ENPP6: variants seen among roughly 807,000 people sequenced by gnomAD.
ENPP6 encodes ectonucleotide pyrophosphatase/phosphodiesterase 6.
A neutral mutation model predicts 42.0 loss-of-function variants in ENPP6; 32 were observed. That is an observed-to-expected ratio of 0.76 (90% CI 0.58 to 1.02). The LOEUF (loss-of-function observed/expected upper bound fraction) is 1.02. Among genes scored for constraint, ENPP6 ranks in the 50% least tolerant of loss-of-function variants. The pLI is 0.00. For synonymous variants in ENPP6, 213 were observed against 216.0 expected (o/e 0.99, Z 0.12); for missense variants, 552 against 566.8 (o/e 0.97, Z 0.27).
chr4:184,168,492 TGGAAGC>T (rs1737397520), intron 1 of ENPP6, among the ~76,000 whole-genome samples: 1 of 148,176 alleles, frequency 6.7e-6, no homozygotes, highest in Non-Finnish European at 1.5e-5. Context: ...CACAGGAAGC[TGGAAGC>T]TTTGCACGGG....
intron 6 of ENPP6, among the ~76,000 whole-genome samples, chr4:184,104,940 G>A (rs892544897): frequency 3.9e-5 from 6 of 152,336 alleles, no homozygotes; most frequent in Middle Eastern, 3.4e-3. Context: ...GAAATTCCAA[G>A]CTGGAGAACA....
In ENPP6 at chr4:184,090,996, G is replaced by C. The variant is rs1330380142; in HGVS notation, c.*181C>G. ...CCTACCTTCTGGAAAAACAAGGTTT[G>C]TATCTTTTTTAACAAGTAGGAACTT... On this transcript the variant is annotated 3_prime_UTR_variant, in exon 8 of 8. Transcript: ENST00000296741. 6.0e-5 allele frequency: 33 copies of C among 547,410 alleles called. No individual in the cohort carries two copies. The highest frequency in any genetic ancestry group is 5.0e-4 in the Middle Eastern group (1 of 1,992). 33.9% of individuals were successfully genotyped at this position (547,410 alleles called of 1,614,324 possible). A position where few individuals can be genotyped will look rare whatever the true frequency, so the allele number is the denominator to read the frequency against.
intron 2 of ENPP6, among the ~76,000 whole-genome samples, chr4:184,148,476 A>C (rs553716626): frequency 4.4e-4 from 67 of 152,230 alleles, no homozygotes; most frequent in Non-Finnish European, 7.8e-4. Flanking sequence ...ACAGCAGTCC[A>C]AAGAGGCAGC....
chr4:184,178,191 C>G (rs1732483564), intron 1 of ENPP6, among the ~76,000 whole-genome samples: 1 of 151,850 alleles, frequency 6.6e-6, no homozygotes, highest in African/African-American at 2.4e-5. Context: ...CCTGATGGAG[C>G]TAGAACATAC....
chr4:184,149,311 G>T (rs942584787), intron 2 of ENPP6, among the ~76,000 whole-genome samples: 1 of 152,172 alleles, frequency 6.6e-6, no homozygotes, highest in African/African-American at 2.4e-5. Flanking sequence ...ACCTACCATG[G>T]CAGGAAAGAG....
intron 1 of ENPP6, among the ~76,000 whole-genome samples, chr4:184,154,837 AAAAAT>A (rs1272886196): frequency 1.3e-5 from 2 of 152,244 alleles, no homozygotes; most frequent in African/African-American, 4.8e-5. Context: ...TAATACAATT[AAAAAT>A]AAAATAAAAT....
In ENPP6 at chr4:184,117,804, G is replaced by T. The variant is rs780933102; in HGVS notation, c.630C>A (p.Leu210=). The T allele has an allele frequency of 3.5e-5, 57 of 1,614,148 alleles. No homozygotes were observed. The highest frequency in any genetic ancestry group is 1.1e-5 in the South Asian group (1 of 91,088). Residue 210 remains leucine (L), a synonymous_variant, in exon 4 of 8, where the codon CTC becomes CTA. Transcript: ENST00000296741. ...GPASPQRKDA[L]KAVDTVLKYM... is the part of the protein sequence containing the mutation. ...ACTTCAGGACAGTGTCTACAGCCTT[G>T]AGGGCATCTTTCCTCTGCGGAGATG... is the stretch of plus-strand genomic sequence containing the variant.
At chr4:184,107,377 C>T (rs370030140) in intron 6 of ENPP6, among the ~76,000 whole-genome samples, 71 of 152,352 alleles carry the variant, frequency 4.7e-4, no homozygotes, top group Middle Eastern at 3.4e-3. Context: ...TCAGATTTCT[C>T]TCCTTTCAGG....
chr4:184,197,828 G>C (rs1461059346), intron 1 of ENPP6, among the ~76,000 whole-genome samples: 2 of 152,208 alleles, frequency 1.3e-5, no homozygotes, highest in Non-Finnish European at 2.9e-5. Context: ...GTCATGGTTT[G>C]GGACAAGGCC....
At chr4:184,141,730 A>G (rs962850924) in intron 2 of ENPP6, among the ~76,000 whole-genome samples, 2 of 152,158 alleles carry the variant, frequency 1.3e-5, no homozygotes, top group African/African-American at 2.4e-5. Flanking sequence ...AGGACAATCA[A>G]TGACAGCTGT....
At chr4:184,117,738 C>A in intron 4 of ENPP6, 21 bp downstream of exon 4, 2 of 1,611,200 alleles carry the variant, frequency 1.2e-6, no homozygotes, top group South Asian at 1.1e-5. Context: ...GGCCAGGCCA[C>A]GTGTCTTTGC....
chr4:184,097,283 A>C lies in ENPP6; in HGVS notation c.1079T>G (p.Leu360Arg). 1 of 1,614,196 alleles carries C rather than the reference A, an allele frequency of 6.2e-7. No individual in the cohort carries two copies. The change falls in exon 7 of 8, where the codon CTC (leucine) becomes CGC (arginine). Residue 360 changes from leucine (L) to arginine (R), a missense_variant. Leu to Arg is a moderately radical substitution (Grantham distance 102). Around this residue, in one of 2 missense-constraint regions of ENPP6, gnomAD observed 545 missense variants for 546.3 expected, o/e 1.00. Coordinates refer to ENST00000296741, the MANE Select transcript of ENPP6 (RefSeq NM_153343.4). The part of the protein sequence containing the change: ...QRGWHGYDNE[L>R]MDMRGIFLAF... ...CAGGAAGATGCCCCGCATGTCCATG[A>C]GCTCGTTGTCGTAGCCGTGCCATCC...
chr4:184,157,774 A>ATTTTTTTTTTTTTTTTTTTTTTT (rs34358499), intron 1 of ENPP6, among the ~76,000 whole-genome samples: 1 of 122,360 alleles, frequency 8.2e-6, no homozygotes, highest in Non-Finnish European at 1.6e-5. Flanking sequence ...AACTTGGCTA[A>ATTTTTTTTTTTTTTTTTTTTTTT]TTTTTTTTTT....
At chr4:184,194,543 C>T (rs1463276159) in intron 1 of ENPP6, among the ~76,000 whole-genome samples, 1 of 152,214 alleles carries the variant, frequency 6.6e-6, no homozygotes, top group Non-Finnish European at 1.5e-5. Context: ...AATTTCAAAA[C>T]AGTGACAACA....
Position 184,213,683 on chromosome 4 carries a change from A to G in ENPP6, c.241+3896T>C, listed in dbSNP as rs1431614323. Among the ~76,000 whole-genome samples the G allele has an allele frequency of 1.6e-4, 24 of 150,036 alleles. 1 individual carries two copies. Among genetic ancestry groups the G allele is most frequent in the Admixed American group, 1.2e-3 (18 of 15,036 alleles). On this transcript the variant is annotated intron_variant, in intron 1 of 7. Coordinates refer to ENST00000296741, the MANE Select transcript of ENPP6 (RefSeq NM_153343.4). ...CAACCATTGTGGAAGTCAGTGTGGC[A>G]ATTCCTCAGGGATCTAGAACTGGAA...
At chr4:184,133,529 T>C (rs192383795) in intron 2 of ENPP6, among the ~76,000 whole-genome samples, 121 of 152,322 alleles carry the variant, frequency 7.9e-4, no homozygotes, top group African/African-American at 2.7e-3. Flanking sequence ...TCCAAAACAG[T>C]CATCTGTGAA....
At chr4:184,119,443 T>G (rs1351406054) in intron 3 of ENPP6, among the ~76,000 whole-genome samples, 1 of 152,010 alleles carries the variant, frequency 6.6e-6, no homozygotes, top group Non-Finnish European at 1.5e-5. Flanking sequence ...CCTTGGCATA[T>G]TCCTCATACC....
At chr4:184,196,982 G>C (rs1732810955) in intron 1 of ENPP6, among the ~76,000 whole-genome samples, 1 of 152,200 alleles carries the variant, frequency 6.6e-6, no homozygotes, top group Non-Finnish European at 1.5e-5. Flanking sequence ...CAGGTGGTTG[G>C]GGATTGGGTA....
chr4:184,106,759 T>C (rs1160686640), intron 6 of ENPP6, among the ~76,000 whole-genome samples: 1 of 152,168 alleles, frequency 6.6e-6, no homozygotes, highest in East Asian at 1.9e-4. Context: ...GTGCCTTCAC[T>C]AGCAGGGAGG....
Sources: gnomAD v4.1 joint callset for allele counts (sites outside exome capture counted in the v4.1 genomes callset) on GRCh38, gnomAD v4.1.1 for gene constraint, gnomAD v4.1.1 regional missense constraint, MANE v1.5 for transcripts, NCBI Gene and HGNC (gene_info 2026-07-23, HGNC 2026-07-21) for gene names.